TRIM24: variants seen among roughly 807,000 people sequenced by gnomAD.
TRIM24 encodes tripartite motif containing 24.
In TRIM24, 29 loss-of-function variants were observed where a neutral mutation model predicts 123.9. That is an observed-to-expected ratio of 0.23 (90% CI 0.17 to 0.32). The LOEUF is 0.32. Ranked by LOEUF, TRIM24 falls within the 10% of genes least tolerant of loss-of-function variation. TRIM24 has a pLI of 1.00. For synonymous variants in TRIM24, 456 were observed against 461.1 expected, an observed-to-expected ratio of 0.99 and a Z score of 0.14; for missense variants, 932 against 1,295.3, an observed-to-expected ratio of 0.72 and a Z score of 4.31.
At chr7:138,477,877 A>G (rs1795438615) in intron 1 of TRIM24, among the ~76,000 whole-genome samples, 1 of 152,218 alleles carries the variant, frequency 6.6e-6, no homozygotes, top group South Asian at 2.1e-4. Flanking sequence ...GCACAAATGT[A>G]AAACTGTTTG....
Position 138,554,556 on chromosome 7 carries a change from T to C in TRIM24, c.1262-142T>C, listed in dbSNP as rs1797277417. 1.4e-6 allele frequency: 1 copy of C among 690,568 alleles called. No individual in the cohort carries two copies. Among genetic ancestry groups the C allele is most frequent in the Non-Finnish European group, 2.3e-6 (1 of 432,014 alleles). 42.8% of individuals were successfully genotyped at this position (690,568 alleles called of 1,614,324 possible). ...TAGATGAACAAAAGCTGTTTGGGGG[T>C]TCTCTTTCAGAGTGTTAAAGGGCTC... On this transcript the variant is annotated intron_variant, in intron 8 of 18. Transcript: ENST00000343526. The surrounding 1 kb of genome is among the most constrained non-coding windows in gnomAD (Gnocchi z 4.5).
In TRIM24 at chr7:138,508,700, C is replaced by CGCGCGTGTGTGT. The variant is rs1182276337; in HGVS notation, c.483+4293_483+4294insCGCGTGTGTGTG. On this transcript the variant is annotated intron_variant, in intron 2 of 18. Coordinates refer to ENST00000343526, the MANE Select transcript of TRIM24 (RefSeq NM_015905.3). ...GTGTGTGTGTGTGTGTGTGCGCGCG[C>CGCGCGTGTGTGT]GTGTGTGCGTGTGTGTGTGCGTGTG... Among the ~76,000 whole-genome samples, 322 of 35,566 alleles carry CGCGCGTGTGTGT rather than the reference C, an allele frequency of 9.1e-3. 3 individuals are homozygous for CGCGCGTGTGTGT. The highest frequency in any genetic ancestry group is 0.022 in the Non-Finnish European group (269 of 12,504). 23.3% of individuals were successfully genotyped at this position (35,566 alleles called of 152,430 possible).
chr7:138,532,755 C>T (rs867130171), intron 6 of TRIM24, among the ~76,000 whole-genome samples: 61 of 152,270 alleles, frequency 4.0e-4, no homozygotes, highest in Middle Eastern at 3.4e-3. Context: ...TGAAGAAAGT[C>T]ATTGGTAGCT....
chr7:138,535,362 C>G (rs1011581913), intron 6 of TRIM24, among the ~76,000 whole-genome samples: 2 of 152,132 alleles, frequency 1.3e-5, no homozygotes, highest in African/African-American at 4.8e-5. Context: ...CTCAGTTGTT[C>G]CTTTCCATGT....
chr7:138,562,417 A>G (rs1442130287), intron 9 of TRIM24, among the ~76,000 whole-genome samples: 1 of 152,162 alleles, frequency 6.6e-6, no homozygotes, highest in Non-Finnish European at 1.5e-5. Flanking sequence ...GTTTGGTACT[A>G]TCGGGTGGAT....
intron 9 of TRIM24, among the ~76,000 whole-genome samples, chr7:138,564,319 C>T (rs1269529611): frequency 6.6e-6 from 1 of 152,158 alleles, no homozygotes; most frequent in African/African-American, 2.4e-5. Flanking sequence ...CTTCCCTGAC[C>T]TCCTGGGGCT....
At position 138,567,410 on chromosome 7, in the gene TRIM24, TAAGATA is replaced by T. The variant is rs1349987080; in HGVS notation, c.1531-70_1531-65del. The stretch of plus-strand genomic sequence containing the variant: ...GTTCTATTTTTCTGTAAAAGTTTTA[TAAGATA>T]GAGATTTATAATTTGTTTTTCAGAA... On this transcript the variant is annotated intron_variant, in intron 9 of 18. Transcript: ENST00000343526. 11 of 1,407,300 alleles carry T rather than the reference TAAGATA, an allele frequency of 7.8e-6. No individual in the cohort carries two copies. The East Asian group carries it at 2.4e-4, about 31-fold the overall frequency. 87.2% of individuals were successfully genotyped at this position (1,407,300 alleles called of 1,614,324 possible).
intron 1 of TRIM24, among the ~76,000 whole-genome samples, chr7:138,499,902 C>G (rs559248792): frequency 7.1e-4 from 107 of 151,510 alleles, no homozygotes; most frequent in African/African-American, 2.5e-3. Context: ...ATGTAAGAGT[C>G]AGTACTATTA....
At chr7:138,560,916 C>T (rs974612652) in intron 9 of TRIM24, among the ~76,000 whole-genome samples, 1 of 152,182 alleles carries the variant, frequency 6.6e-6, no homozygotes, top group Non-Finnish European at 1.5e-5. Flanking sequence ...TTTCCTTTGG[C>T]CTCTAGTGTT....
intron 1 of TRIM24, among the ~76,000 whole-genome samples, chr7:138,495,379 C>T (rs575970562): frequency 1.3e-5 from 2 of 152,222 alleles, no homozygotes; most frequent in African/African-American, 2.4e-5. Flanking sequence ...CAGTCTGTTT[C>T]AACTAATGCA....
At chr7:138,577,838 A>T (rs1797794265) in intron 14 of TRIM24, among the ~76,000 whole-genome samples, 1 of 152,180 alleles carries the variant, frequency 6.6e-6, no homozygotes, top group African/African-American at 2.4e-5. Flanking sequence ...AGAGTTTTAT[A>T]CCCAGGCAAA....
At chr7:138,569,159 A>G (rs901000214) in intron 10 of TRIM24, among the ~76,000 whole-genome samples, 1 of 152,210 alleles carries the variant, frequency 6.6e-6, no homozygotes, top group Non-Finnish European at 1.5e-5. Context: ...TAAAATGCGT[A>G]TCTTGCAGAG....
chr7:138,517,189 A>G (rs868083630), intron 3 of TRIM24, among the ~76,000 whole-genome samples: 6 of 150,702 alleles, frequency 4.0e-5, no homozygotes, highest in Admixed American at 6.6e-5. Flanking sequence ...TTCTTGTGAT[A>G]TATTGGCTGA....
rs542020997 is a variant in TRIM24 at position 138,546,858 on chromosome 7, A to G, written c.1144-4205A>G. 2.6e-5 allele frequency among the ~76,000 whole-genome samples: 4 copies of G among 152,334 alleles called. No homozygotes were observed. In the South Asian group the frequency reaches 6.2e-4, roughly 24 times the overall value. On this transcript the variant is annotated intron_variant, in intron 7 of 18. Transcript: ENST00000343526. Reference sequence around the variant, plus strand: ...GTTGGTGAGAATGTAAATTAGTACAACCATAGAAAACAGTATGGAAGTTCC... The same window carrying G: ...GTTGGTGAGAATGTAAATTAGTACAGCCATAGAAAACAGTATGGAAGTTCC...
intron 7 of TRIM24, chr7:138,545,436 T>G (rs994046141): frequency 1.8e-5 from 8 of 456,704 alleles, no homozygotes; most frequent in Admixed American, 1.4e-4. Context: ...AATAAGTAAG[T>G]AAATATATTG....
intron 2 of TRIM24, among the ~76,000 whole-genome samples, chr7:138,512,295 C>T (rs1294860791): frequency 6.6e-6 from 1 of 152,174 alleles, no homozygotes; most frequent in East Asian, 1.9e-4. Context: ...GGTGGGTCTA[C>T]CATCCTGGGT....
At position 138,463,039 on chromosome 7, in the gene TRIM24, T is replaced by TTG. The variant is rs1392828932; in HGVS notation, c.364+2131_364+2132dup. On this transcript the variant is annotated intron_variant, in intron 1 of 18. Coordinates refer to ENST00000343526, the MANE Select transcript of TRIM24 (RefSeq NM_015905.3). ...CATGCGCCACCACGTCCGGCTAATT[T>TTG]TGTGTTTTTTTTTTTTTTTTTTTTT... 4.5e-5 allele frequency among the ~76,000 whole-genome samples: 6 copies of TTG among 132,032 alleles called. No individual in the cohort carries two copies. In the East Asian group the frequency reaches 8.9e-4, roughly 20 times the overall value. The allele number at this position is 132,032 out of a possible 152,430, so 86.6% of individuals were successfully genotyped here.
At chr7:138,581,977 CTTCT>C (rs1199556375) in intron 17 of TRIM24, among the ~76,000 whole-genome samples, 1 of 152,012 alleles carries the variant, frequency 6.6e-6, no homozygotes, top group African/African-American at 2.4e-5. Context: ...GGTATTCTTT[CTTCT>C]TTCTTTTCTC....
rs754487028 is a variant in TRIM24 at position 138,589,284 on chromosome 7, G to A, written c.*4333G>A. 12 of 152,270 alleles carry A rather than the reference G, an allele frequency of 7.9e-5. No homozygotes were observed. The highest frequency in any genetic ancestry group is 1.5e-4 in the Non-Finnish European group (10 of 68,026). The allele number at this position is 152,270 out of a possible 1,614,324, so 9.4% of individuals were successfully genotyped here. A position where few individuals can be genotyped will look rare whatever the true frequency, so the allele number is the denominator to read the frequency against. On this transcript the variant is annotated 3_prime_UTR_variant, in exon 19 of 19. Coordinates refer to ENST00000343526, the MANE Select transcript of TRIM24 (RefSeq NM_015905.3). ...TCCATGAAGGTTTTACTTATTGAGAGGGACATCTGAGGCAGTAGTCTTCGT... is the reference window on the plus strand; with the variant it reads ...TCCATGAAGGTTTTACTTATTGAGAAGGACATCTGAGGCAGTAGTCTTCGT...
Sources: gnomAD v4.1 joint callset for allele counts (sites outside exome capture counted in the v4.1 genomes callset) on GRCh38, gnomAD v4.1.1 for gene constraint, Gnocchi (gnomAD v3.1) non-coding constraint, MANE v1.5 for transcripts, NCBI Gene and HGNC (gene_info 2026-07-23, HGNC 2026-07-21) for gene names.